The following ANGPT1 variants were observed in gnomAD, a reference collection of about 807,000 sequenced individuals.
ANGPT1 encodes angiopoietin 1, also known as angiopoietin-1.
In ANGPT1, 17 loss-of-function variants were observed where a neutral mutation model predicts 62.2. That is an observed-to-expected ratio of 0.27 (90% CI 0.19 to 0.41). ANGPT1 has a LOEUF of 0.41. Among genes scored for constraint, ANGPT1 ranks in the 10% least tolerant of loss-of-function variants. The pLI is 1.00. For missense variants in ANGPT1, 478 were observed against 594.9 expected (o/e 0.80, Z 2.04); for synonymous variants, 199 against 198.9 (o/e 1.00, Z 0.00).
At chr8:107,269,006 C>T (rs944310087) in intron 7 of ANGPT1, among the ~76,000 whole-genome samples, 10 of 152,198 alleles carry the variant, frequency 6.6e-5, no homozygotes, top group African/African-American at 2.4e-4. Flanking sequence ...GGAAGAGACA[C>T]ACAGTCTCTT....
At chr8:107,487,820 A>G (rs1812853392) in intron 1 of ANGPT1, among the ~76,000 whole-genome samples, 1 of 152,246 alleles carries the variant, frequency 6.6e-6, no homozygotes, top group African/African-American at 2.4e-5. Context: ...ATGTATTAGA[A>G]GTAAAAAAAC....
chr8:107,435,621 G>C (rs1586320429), intron 1 of ANGPT1, among the ~76,000 whole-genome samples: 1 of 152,324 alleles, frequency 6.6e-6, no homozygotes, highest in African/African-American at 2.4e-5. Flanking sequence ...CTACAGAGCT[G>C]ACATGCTAAG....
At chr8:107,452,077 T>C (rs746615094) in intron 1 of ANGPT1, among the ~76,000 whole-genome samples, 148 of 151,862 alleles carry the variant, frequency 9.7e-4, no homozygotes, top group Non-Finnish European at 1.7e-3. Flanking sequence ...AAGTTCCGTA[T>C]AGAATGAATA....
Position 107,321,664 on chromosome 8 carries a change from G to C in ANGPT1, c.808+232C>G, listed in dbSNP as rs76583196. Among the ~76,000 whole-genome samples the C allele has an allele frequency of 6.2e-3, 940 of 152,178 alleles. 15 individuals are homozygous for C. The highest frequency in any genetic ancestry group is 0.021 in the African/African-American group (888 of 41,546). On this transcript the variant is annotated intron_variant, in intron 4 of 8. Transcript: ENST00000517746. ...TAAAAGACAAAGAAAGAAGAAATTA[G>C]AAAGCTCTTTCAGAAAGACATTGTG...
intron 4 of ANGPT1, among the ~76,000 whole-genome samples, chr8:107,317,844 T>G (rs1231349919): frequency 3.3e-5 from 5 of 152,100 alleles, no homozygotes; most frequent in African/African-American, 1.2e-4. Context: ...TTGGCCAAGC[T>G]GGTCTTGAAC....
intron 1 of ANGPT1, among the ~76,000 whole-genome samples, chr8:107,407,326 A>G (rs1817169985): frequency 6.6e-6 from 1 of 151,974 alleles, no homozygotes; most frequent in South Asian, 2.1e-4. Context: ...ACCAAAATGC[A>G]TAATTCAAAA....
At chr8:107,394,170 A>G (rs1816889943) in intron 1 of ANGPT1, among the ~76,000 whole-genome samples, 1 of 152,168 alleles carries the variant, frequency 6.6e-6, no homozygotes, top group Admixed American at 6.5e-5. Context: ...AGGAGAATCT[A>G]AGAAGCAATT....
intron 1 of ANGPT1, among the ~76,000 whole-genome samples, chr8:107,453,558 G>GC (rs1441669201): frequency 1.3e-5 from 2 of 152,008 alleles, no homozygotes; most frequent in African/African-American, 2.4e-5. Context: ...GGAAAGCCCT[G>GC]CCCCCATGAT....
intron 1 of ANGPT1, among the ~76,000 whole-genome samples, chr8:107,437,247 C>G (rs1654735): frequency 0.083 from 12,666 of 152,176 alleles, 569 homozygotes; most frequent in South Asian, 0.15. Flanking sequence ...CTCATACTCT[C>G]CCAAAGAGTA....
At position 107,250,447 on chromosome 8, in the gene ANGPT1, T is replaced by C. The variant is rs1219475941; in HGVS notation, c.*1408A>G. The C allele has an allele frequency of 6.6e-6, 1 of 151,920 alleles. No individual in the cohort carries two copies. Among genetic ancestry groups the C allele is most frequent in the African/African-American group, 2.4e-5 (1 of 41,248 alleles). 9.4% of individuals were successfully genotyped at this position (151,920 alleles called of 1,614,324 possible). A position where few individuals can be genotyped will look rare whatever the true frequency, so the allele number is the denominator to read the frequency against. On this transcript the variant is annotated 3_prime_UTR_variant, in exon 9 of 9. Coordinates refer to ENST00000517746, the MANE Select transcript of ANGPT1 (RefSeq NM_001146.5). ...ATTTTCTTTTTGTATATATTTCCCT[T>C]ACATATAATAGTTTTGCCAATTTTT...
intron 1 of ANGPT1, among the ~76,000 whole-genome samples, chr8:107,381,353 G>C (rs1174518709): frequency 6.6e-6 from 1 of 152,146 alleles, no homozygotes; most frequent in African/African-American, 2.4e-5. Context: ...TAACCCTATT[G>C]AATAGTGACA....
intron 7 of ANGPT1, among the ~76,000 whole-genome samples, chr8:107,279,417 T>C (rs1461893697): frequency 6.6e-6 from 1 of 152,190 alleles, no homozygotes; most frequent in Admixed American, 6.5e-5. Flanking sequence ...AAACATATAC[T>C]ATATCTTAGA....
In ANGPT1 at chr8:107,362,796, TA is replaced by T. The variant is rs892610425; in HGVS notation, c.298-15700del. 2.0e-5 allele frequency among the ~76,000 whole-genome samples: 3 copies of T among 152,140 alleles called. No individual in the cohort carries two copies. The East Asian group carries it at 5.8e-4, about 29-fold the overall frequency. The stretch of plus-strand genomic sequence containing the variant: ...CATAATTCTCACCATTTTTTTTCTG[TA>T]AAAAAGGAAGAGTCAGAGATTATAA... On this transcript the variant is annotated intron_variant, in intron 1 of 8. Transcript: ENST00000517746.
intron 6 of ANGPT1, among the ~76,000 whole-genome samples, chr8:107,285,158 T>C (rs1350672553): frequency 6.6e-6 from 1 of 152,152 alleles, no homozygotes; most frequent in East Asian, 1.9e-4. Flanking sequence ...CAAGGTTTGC[T>C]TTTGAAAATG....
At chr8:107,362,743 T>C (rs909910781) in intron 1 of ANGPT1, among the ~76,000 whole-genome samples, 4 of 152,190 alleles carry the variant, frequency 2.6e-5, no homozygotes, top group African/African-American at 9.6e-5. Flanking sequence ...ACCACCATTA[T>C]AGAAAAGAAA....
At chr8:107,355,337 C>G (rs1816020430) in intron 1 of ANGPT1, among the ~76,000 whole-genome samples, 2 of 152,078 alleles carry the variant, frequency 1.3e-5, no homozygotes, top group Admixed American at 6.6e-5. Context: ...GTTAATGGCC[C>G]CATAACTGGT....
intron 1 of ANGPT1, among the ~76,000 whole-genome samples, chr8:107,479,534 C>T (rs1268960845): frequency 6.6e-6 from 1 of 152,136 alleles, no homozygotes; most frequent in Non-Finnish European, 1.5e-5. Flanking sequence ...TTTCAAACCA[C>T]TGGGAACTGA....
chr8:107,391,936 C>G (rs893086999), intron 1 of ANGPT1, among the ~76,000 whole-genome samples: 4 of 152,098 alleles, frequency 2.6e-5, no homozygotes, highest in African/African-American at 9.7e-5. Flanking sequence ...AGTTTTTCAC[C>G]TCTATTATAA....
intron 8 of ANGPT1, among the ~76,000 whole-genome samples, chr8:107,256,834 G>C (rs574372613): frequency 7.9e-5 from 12 of 151,818 alleles, no homozygotes; most frequent in Admixed American, 6.6e-4. Flanking sequence ...TTTTTGTTTT[G>C]TTTTGTTCTG....
Sources: allele counts gnomAD v4.1 joint callset (sites outside exome capture counted in the v4.1 genomes callset), GRCh38; gene constraint gnomAD v4.1.1; transcripts MANE v1.5; gene names NCBI Gene and HGNC (gene_info 2026-07-23, HGNC 2026-07-21).